Variants in LCN1 observed in about 807,000 individuals in gnomAD.
The protein encoded by LCN1 is lipocalin-1.
A neutral mutation model predicts 22.3 loss-of-function variants in LCN1; 25 were observed. The ratio of observed to expected loss-of-function variants is 1.12; its 90% CI spans 0.82 to 1.56. The LOEUF is 1.56. Among genes scored for constraint, LCN1 ranks in the 40% most tolerant of loss-of-function variants. The probability of loss-of-function intolerance (pLI) is 0.00; values close to 1 mark genes in which losing one functional copy is unlikely to be tolerated. For synonymous variants in LCN1, 85 were observed against 97.6 expected (o/e 0.87, Z 0.76); for missense variants, 219 against 235.6 (o/e 0.93, Z 0.46).
chr9:135,523,921 A>G lies in LCN1; in HGVS notation c.334A>G (p.Lys112Glu), dbSNP rs1170793765. 18 of 1,614,076 alleles carry G rather than the reference A, an allele frequency of 1.1e-5. No individual in the cohort carries two copies. The highest frequency in any genetic ancestry group is 1.5e-5 in the Non-Finnish European group (18 of 1,179,972). ...HVAYIIRSHV[K>E]DHYIFYCEGE... ...GGCATACATCATCAGGTCGCACGTG[A>G]AGGACCACTACATCTTTTACTGTGA... Residue 112 changes from lysine to glutamate, a missense_variant, in exon 4 of 7, where the codon AAG (lysine) becomes GAG (glutamate). Transcript: ENST00000371781.
intron 2 of LCN1, 68 bp from the exon 3 acceptor site, chr9:135,523,164 C>A: frequency 6.9e-7 from 1 of 1,444,498 alleles, no homozygotes; most frequent in Non-Finnish European, 9.5e-7. Flanking sequence ...GGCATTGCAG[C>A]ATGGTTGCTC....
In LCN1 at chr9:135,522,124, C is replaced by A; in HGVS notation, c.168C>A (p.Pro56=). ...AGATGAATCTGGAATCGGTGACACC[C>A]ATGACCCTCACGACCCTGGAAGGGG... ...FPEMNLESVT[P]MTLTTLEGGN... is the part of the protein sequence containing the mutation. Residue 56 remains proline (P), a synonymous_variant, in exon 2 of 7, where the codon CCC becomes CCA. Transcript: ENST00000371781. The A allele has an allele frequency of 6.3e-7, 1 of 1,599,092 alleles. No individual in the cohort carries two copies. The highest frequency in any genetic ancestry group is 8.5e-7 in the Non-Finnish European group (1 of 1,173,020).
chr9:135,523,893 C>G lies in LCN1; in HGVS notation c.306C>G (p.His102Gln). The change falls in exon 4 of 7, where the codon CAC becomes CAG. Residue 102 changes from histidine to glutamine, a missense_variant. Coordinates refer to ENST00000371781, the MANE Select transcript of LCN1 (RefSeq NM_002297.4). ...PGKYTADGGK[H>Q]VAYIIRSHVK... is the part of the protein sequence containing the mutation. The stretch of plus-strand genomic sequence containing the variant: ...GTCTTTCTGCAGACGGGGGCAAGCA[C>G]GTGGCATACATCATCAGGTCGCACG... The G allele has an allele frequency of 6.2e-7, 1 of 1,614,018 alleles. No individual in the cohort carries two copies. The highest frequency in any genetic ancestry group is 1.3e-5 in the African/African-American group (1 of 75,048).
rs115921344 is a variant in LCN1 at position 135,523,544 on chromosome 9, C to A, written c.292+242C>A. ...GACCCTCTGGGCTTGCCCTGTAGCCCTGGCTGTGGCTCTGGCAGGGCCAGG... is the reference window on the plus strand; with the variant it reads ...GACCCTCTGGGCTTGCCCTGTAGCCATGGCTGTGGCTCTGGCAGGGCCAGG... On this transcript the variant is annotated intron_variant, in intron 3 of 6. Transcript: ENST00000371781. Among the ~76,000 whole-genome samples, 753 of 152,344 alleles carry A rather than the reference C, an allele frequency of 4.9e-3. 6 individuals are homozygous for A. Among genetic ancestry groups the A allele is most frequent in the African/African-American group, 0.017 (717 of 41,576 alleles).
intron 4 of LCN1, 133 bp downstream of exon 4, chr9:135,524,123 T>A: frequency 1.5e-6 from 1 of 679,670 alleles, no homozygotes; most frequent in South Asian, 1.8e-5. Context: ...TTAGGATGAG[T>A]TTTCCTGATA....
At position 135,522,138 on chromosome 9, in the gene LCN1, C is replaced by A; in HGVS notation, c.182C>A (p.Thr61Asn). Residue 61 changes from threonine to asparagine, a missense_variant, in exon 2 of 7, where the codon ACC becomes AAC. Physicochemically the swap from Thr to Asn is moderately conservative, Grantham distance 65. Transcript: ENST00000371781. ...LESVTPMTLT[T>N]LEGGNLEAKV... ...TCGGTGACACCCATGACCCTCACGA[C>A]CCTGGAAGGGGGCAACCTGGAAGCC... is the stretch of plus-strand genomic sequence containing the variant. The A allele has an allele frequency of 6.2e-7, 1 of 1,601,910 alleles. No homozygotes were observed. The highest frequency in any genetic ancestry group is 8.5e-7 in the Non-Finnish European group (1 of 1,174,410).
At chr9:135,523,162 A>C in intron 2 of LCN1, 70 bp from the exon 3 acceptor site, 1 of 1,430,470 alleles carries the variant, frequency 7.0e-7, no homozygotes, top group African/African-American at 1.4e-5. Flanking sequence ...AGGGCATTGC[A>C]GCATGGTTGC....
intron 4 of LCN1, 34 bp downstream of exon 4, chr9:135,524,024 C>A: frequency 1.3e-6 from 2 of 1,509,270 alleles, no homozygotes; most frequent in Non-Finnish European, 1.8e-6. Context: ...CAACCCATGC[C>A]TCCACCTGCC....
At chr9:135,522,276 T>C in intron 2 of LCN1, 99 bp downstream of exon 2, 1 of 1,450,788 alleles carries the variant, frequency 6.9e-7, no homozygotes, top group South Asian at 1.4e-5. Context: ...TGGGCAGACC[T>C]GCTGGGAGGC....
In LCN1 at chr9:135,522,074, A is replaced by G; in HGVS notation, c.118A>G (p.Met40Val). The G allele has an allele frequency of 3.8e-6, 6 of 1,593,222 alleles. No homozygotes were observed. Among genetic ancestry groups the G allele is most frequent in the Non-Finnish European group, 5.1e-6 (6 of 1,170,054 alleles). ...GTCAGGGACGTGGTATCTGAAGGCC[A>G]TGACGGTGGACAGGGAGTTCCCTGA... ...DVSGTWYLKA[M>V]TVDREFPEMN... The change falls in exon 2 of 7, where the codon ATG becomes GTG. Residue 40 changes from methionine to valine, a missense_variant. Transcript: ENST00000371781.
rs143361927 is a variant in LCN1 at position 135,524,890 on chromosome 9, G to C, written c.464G>C (p.Arg155Pro). ...LEDFEKAAGA[R>P]GLSTESILIP... ...GACTTTGAGAAAGCCGCAGGAGCCC[G>C]CGGACTCAGCACGGAGAGCATCCTC... The change falls in exon 5 of 7, where the codon CGC becomes CCC. Residue 155 changes from arginine to proline, a missense_variant. Arg to Pro is a moderately radical substitution (Grantham distance 103, BLOSUM62 -2). Transcript: ENST00000371781. 2 of 1,607,766 alleles carry C rather than the reference G, an allele frequency of 1.2e-6. No homozygotes were observed. The highest frequency in any genetic ancestry group is 1.7e-6 in the Non-Finnish European group (2 of 1,177,332).
At chr9:135,523,531 T>G (rs1363977656) in intron 3 of LCN1, among the ~76,000 whole-genome samples, 2 of 152,226 alleles carry the variant, frequency 1.3e-5, no homozygotes, top group Non-Finnish European at 2.9e-5. Flanking sequence ...CCCTCTGGGC[T>G]TGCCCTGTAG....
rs199895720 is a variant in LCN1, at chr9:135,523,216, G to A, written c.222-16G>A. On this transcript the variant is annotated splice_polypyrimidine_tract_variant and intron_variant, in intron 2 of 6. Transcript: ENST00000371781. ...ACAGGCCAGGGCCGCTTTGCCAGGGGGCTTCTGTTTTCCAGGATAAGTGGC... is the reference window on the plus strand; with the variant it reads ...ACAGGCCAGGGCCGCTTTGCCAGGGAGCTTCTGTTTTCCAGGATAAGTGGC... The A allele has an allele frequency of 4.8e-4, 770 of 1,610,386 alleles. No individual in the cohort carries two copies. In the African/African-American group the frequency reaches 6.4e-3, roughly 13 times the overall value.
At chr9:135,523,149 T>G in intron 2 of LCN1, 83 bp from the exon 3 acceptor site, 3 of 1,289,642 alleles carry the variant, frequency 2.3e-6, no homozygotes, top group Non-Finnish European at 3.3e-6. Flanking sequence ...GGGCCACATT[T>G]GCAGGGCATT....
At chr9:135,525,566 T>C (rs1831618024) in intron 6 of LCN1, among the ~76,000 whole-genome samples, 1 of 152,114 alleles carries the variant, frequency 6.6e-6, no homozygotes, top group Non-Finnish European at 1.5e-5. Context: ...CTGTGCTCGC[T>C]GTGTCAGATG....
At chr9:135,523,391 G>A (rs1831549158) in intron 3 of LCN1, 89 bp downstream of exon 3, 1 of 1,235,394 alleles carries the variant, frequency 8.1e-7, no homozygotes. Context: ...TGGCCTTTTG[G>A]CCTGGGAAGC....
Position 135,524,451 on chromosome 9 carries a change from G to C in LCN1, c.404-379G>C, listed in dbSNP as rs554029836. On this transcript the variant is annotated intron_variant, in intron 4 of 6. Transcript: ENST00000371781. ...ACTCATCAGTGCTGTCCCTGTCAGA[G>C]GACGAGGCCCATGAAGGCTCCTGAG... Among the ~76,000 whole-genome samples, 186 of 152,312 alleles carry C rather than the reference G, an allele frequency of 1.2e-3. 5 individuals are homozygous for C. In the South Asian group the frequency reaches 0.019, roughly 16 times the overall value.
At chr9:135,523,646 C>T (rs1428377859) in intron 3 of LCN1, among the ~76,000 whole-genome samples, 4 of 152,190 alleles carry the variant, frequency 2.6e-5, no homozygotes, top group Non-Finnish European at 5.9e-5. Flanking sequence ...AGGAACCCCC[C>T]GTGACTCACT....
chr9:135,521,797 G>T (rs551872805), intron 1 of LCN1, among the ~76,000 whole-genome samples: 1 of 151,942 alleles, frequency 6.6e-6, no homozygotes, highest in Admixed American at 6.5e-5. Context: ...GGCTGGGAGG[G>T]TGGGGGTCTG....
Sources: gnomAD v4.1 joint callset for allele counts (sites outside exome capture counted in the v4.1 genomes callset) on GRCh38, gnomAD v4.1.1 for gene constraint, MANE v1.5 for transcripts, NCBI Gene and HGNC (gene_info 2026-07-23, HGNC 2026-07-21) for gene names.